Variants in RPP40 observed in about 807,000 individuals in gnomAD.
RPP40 encodes the protein ribonuclease P protein subunit p40.
A neutral mutation model predicts 42.5 loss-of-function variants in RPP40; 30 were observed. That is an observed-to-expected ratio of 0.71 (90% CI 0.53 to 0.96). The LOEUF is 0.96. RPP40 is among the 40% of genes least tolerant of loss of function. The pLI, the probability that RPP40 is intolerant of heterozygous loss-of-function variation, is 0.00. For synonymous variants in RPP40, 173 were observed against 164.0 expected, an observed-to-expected ratio of 1.05 and a Z score of -0.42; for missense variants, 426 against 433.5, an observed-to-expected ratio of 0.98 and a Z score of 0.15.
chr6:5,001,413 TGA>T (rs1759554529), intron 2 of RPP40, among the ~76,000 whole-genome samples: 1 of 152,104 alleles, frequency 6.6e-6, no homozygotes, highest in Non-Finnish European at 1.5e-5. Context: ...AGTGTCAGAA[TGA>T]GAGGAGCTAC....
intron 4 of RPP40, among the ~76,000 whole-genome samples, chr6:4,999,401 C>A (rs1759479818): frequency 1.4e-5 from 2 of 144,666 alleles, no homozygotes; most frequent in African/African-American, 5.1e-5. Context: ...CGGGTTCAAG[C>A]AATTCTCCTG....
chr6:5,002,751 G>T (rs1305671604), intron 1 of RPP40, among the ~76,000 whole-genome samples: 4 of 152,178 alleles, frequency 2.6e-5, no homozygotes, highest in African/African-American at 7.2e-5. Context: ...ACAGAAAAAT[G>T]CAACAGGCGA....
rs1759325072 is a variant in RPP40, at chr6:4,994,992, C to G, written c.*86G>C. 2 of 1,168,816 alleles carry G rather than the reference C, an allele frequency of 1.7e-6. No homozygotes were observed. The highest frequency in any genetic ancestry group is 1.2e-6 in the Non-Finnish European group (1 of 823,168). The allele number at this position is 1,168,816 out of a possible 1,614,324, so 72.4% of individuals were successfully genotyped here. A position where few individuals can be genotyped will look rare whatever the true frequency, so the allele number is the denominator to read the frequency against. On this transcript the variant is annotated 3_prime_UTR_variant, in exon 8 of 8. Transcript: ENST00000380051. ...CTGAGAAATGTCACCATCACACAAG[C>G]CTGAGTGGACACACAGACCTTTTAC...
In RPP40 at chr6:4,995,032, A is replaced by G; in HGVS notation, c.*46T>C. ...AGACCTTTTACCATTAAGAAATCTG[A>G]AAGCAAGCGTAAATGTAAGTAAACA... On this transcript the variant is annotated 3_prime_UTR_variant, in exon 8 of 8. Transcript: ENST00000380051. 1 of 1,502,052 alleles carries G rather than the reference A, an allele frequency of 6.7e-7. No individual in the cohort carries two copies. Among genetic ancestry groups the G allele is most frequent in the Non-Finnish European group, 9.1e-7 (1 of 1,097,228 alleles). 93.0% of individuals were successfully genotyped at this position (1,502,052 alleles called of 1,614,324 possible).
intron 1 of RPP40, among the ~76,000 whole-genome samples, chr6:5,002,743 A>G (rs1490400925): frequency 2.0e-5 from 3 of 152,252 alleles, no homozygotes; most frequent in Non-Finnish European, 4.4e-5. Context: ...TTTTCGAGAC[A>G]GAAAAATGCA....
the RPP40 span, among the ~76,000 whole-genome samples, chr6:4,989,234 GTACTT>G: frequency 6.6e-6 from 1 of 152,084 alleles, no homozygotes; most frequent in Admixed American, 6.5e-5. Flanking sequence ...AGTTTTGAAA[GTACTT>G]TACATTCTGG....
intron 2 of RPP40, 142 bp downstream of exon 2, chr6:5,001,959 G>A (rs927271531): frequency 2.8e-5 from 19 of 671,144 alleles, no homozygotes; most frequent in South Asian, 2.1e-4. Flanking sequence ...ATGAGAATGC[G>A]GGGGAGAACG....
rs200410454 is a variant in RPP40, at chr6:4,999,941, A to G, written c.338-37T>C. The stretch of plus-strand genomic sequence containing the variant: ...ATAATAACTCCCATAAGATACCAAA[A>G]CTAGAACTTACGTTGTCTGACTAAA... On this transcript the variant is annotated intron_variant, in intron 3 of 7. Coordinates refer to ENST00000380051, the MANE Select transcript of RPP40 (RefSeq NM_006638.4). 7.9e-5 allele frequency: 98 copies of G among 1,241,824 alleles called. No homozygotes were observed. The East Asian group carries it at 2.2e-3, about 28-fold the overall frequency. The allele number at this position is 1,241,824 out of a possible 1,614,324, so 76.9% of individuals were successfully genotyped here. A position where few individuals can be genotyped will look rare whatever the true frequency, so the allele number is the denominator to read the frequency against.
At chr6:4,989,619 G>C in the RPP40 span, among the ~76,000 whole-genome samples, 2 of 152,108 alleles carry the variant, frequency 1.3e-5, no homozygotes, top group Non-Finnish European at 2.9e-5. Context: ...TCAGTATTTT[G>C]TAGTTTTCAG....
At chr6:4,999,738 G>A (rs1187154556) in intron 4 of RPP40, 71 bp downstream of exon 4, 2 of 872,816 alleles carry the variant, frequency 2.3e-6, no homozygotes, top group Non-Finnish European at 3.7e-6. Flanking sequence ...AGAGATTAGA[G>A]GCAATTCAAA....
At chr6:4,996,165 A>C in intron 6 of RPP40, 57 bp downstream of exon 6, 1 of 1,605,640 alleles carries the variant, frequency 6.2e-7, no homozygotes, top group Non-Finnish European at 8.5e-7. Context: ...TTAAACTCCT[A>C]TTAAAAACAA....
intron 1 of RPP40, among the ~76,000 whole-genome samples, chr6:5,002,727 T>G (rs1759601224): frequency 6.6e-6 from 1 of 152,214 alleles, no homozygotes; most frequent in Admixed American, 6.5e-5. Context: ...CTCCTGTATG[T>G]TTTCATTTTC....
At chr6:5,000,407 C>T (rs952989287) in intron 3 of RPP40, among the ~76,000 whole-genome samples, 156 bp downstream of exon 3, 16 of 150,918 alleles carry the variant, frequency 1.1e-4, no homozygotes, top group East Asian at 3.9e-4. Flanking sequence ...AGGCTGGTCT[C>T]GAACTCCTGA....
At position 4,995,279 on chromosome 6, in the gene RPP40, GA is replaced by G; in HGVS notation, c.894-4del. ...ACTTCGGTTCATCAAAGTAGTGACT[GA>G]AAAAAAGGTAGTTGTTAAACAGAGT... is the stretch of plus-strand genomic sequence containing the variant. On this transcript the variant is annotated splice_region_variant and splice_polypyrimidine_tract_variant and intron_variant, in intron 7 of 7. Transcript: ENST00000380051. 2 of 1,595,408 alleles carry G rather than the reference GA, an allele frequency of 1.3e-6. No individual in the cohort carries two copies. Among genetic ancestry groups the G allele is most frequent in the Admixed American group, 1.8e-5 (1 of 55,824 alleles).
intron 7 of RPP40, 49 bp downstream of exon 7, chr6:4,995,902 C>T (rs765806471): frequency 2.6e-6 from 4 of 1,556,656 alleles, no homozygotes; most frequent in Non-Finnish European, 3.5e-6. Flanking sequence ...ATTCGACATA[C>T]TGTTCTATAG....
chr6:4,994,648 T>C (rs763480163), downstream of RPP40: 4 of 165,756 alleles, frequency 2.4e-5, no homozygotes, highest in Non-Finnish European at 5.3e-5. Flanking sequence ...CTCAGTTTCC[T>C]CAAAGGGTTG....
downstream of RPP40, among the ~76,000 whole-genome samples, chr6:4,990,878 A>T (rs1278832941): frequency 6.6e-6 from 1 of 152,066 alleles, no homozygotes; most frequent in African/African-American, 2.4e-5. Flanking sequence ...GAGCTTTGGT[A>T]ATTTGTGCCT....
Position 4,996,069 on chromosome 6 carries a change from T to C in RPP40, c.775A>G (p.Asn259Asp). Residue 259 changes from asparagine to aspartate, a missense_variant, in exon 7 of 8, where the codon AAT (asparagine) becomes GAT (aspartate). Transcript: ENST00000380051. ...SNVDLNNEPN[N>D]FISTYCCPEP... is the part of the protein sequence containing the mutation. The stretch of plus-strand genomic sequence containing the variant: ...GGACAGCAATAGGTTGATATGAAAT[T>C]ATTAGGCTCATTATTTCTGTCACCA... The C allele has an allele frequency of 6.2e-7, 1 of 1,613,926 alleles. No homozygotes were observed. Among genetic ancestry groups the C allele is most frequent in the Non-Finnish European group, 8.5e-7 (1 of 1,179,938 alleles).
At chr6:4,988,433 A>T in the RPP40 span, among the ~76,000 whole-genome samples, 4 of 152,082 alleles carry the variant, frequency 2.6e-5, no homozygotes, top group African/African-American at 9.7e-5. Context: ...GAGTTCCATC[A>T]CCATGATGAT....
Sources: gnomAD v4.1 joint callset for allele counts (sites outside exome capture counted in the v4.1 genomes callset) on GRCh38, gnomAD v4.1.1 for gene constraint, MANE v1.5 for transcripts, NCBI Gene and HGNC (gene_info 2026-07-23, HGNC 2026-07-21) for gene names.